Variants in IKZF2 observed in about 807,000 individuals in gnomAD.
IKZF2 encodes zinc finger protein Helios.
In IKZF2, 15 loss-of-function variants were observed where a neutral mutation model predicts 49.2. The ratio of observed to expected loss-of-function variants is 0.30; its 90% confidence interval spans 0.20 to 0.47. The LOEUF (loss-of-function observed/expected upper bound fraction) is 0.47, where lower values mean the gene tolerates loss of function less well. IKZF2 is among the 20% of genes least tolerant of loss of function. IKZF2 has a pLI of 1.00. For synonymous variants in IKZF2, 227 were observed against 221.4 expected (o/e 1.03, Z -0.23); for missense variants, 567 against 664.6 (o/e 0.85, Z 1.61).
intron 6 of IKZF2, among the ~76,000 whole-genome samples, chr2:213,037,379 A>G (rs1699132794): frequency 6.6e-6 from 1 of 152,222 alleles, no homozygotes; most frequent in Non-Finnish European, 1.5e-5. Context: ...GACTACTACA[A>G]TTCATAAAAG....
chr2:213,053,691 T>C (rs1700883978), intron 5 of IKZF2, among the ~76,000 whole-genome samples: 1 of 152,206 alleles, frequency 6.6e-6, no homozygotes, highest in African/African-American at 2.4e-5. Context: ...CCAATCGATA[T>C]GTGTTCATGC....
At chr2:213,128,435 A>G (rs1372391583) in intron 4 of IKZF2, among the ~76,000 whole-genome samples, 1 of 152,156 alleles carries the variant, frequency 6.6e-6, no homozygotes, top group Non-Finnish European at 1.5e-5. Context: ...AGGTTGAAAA[A>G]CAATGGAGTG....
At chr2:213,107,080 T>C (rs2059558779) in intron 4 of IKZF2, among the ~76,000 whole-genome samples, 2 of 152,152 alleles carry the variant, frequency 1.3e-5, no homozygotes, top group African/African-American at 4.8e-5. Context: ...ATGTACCTGT[T>C]TGTCAACAGG....
At chr2:213,054,670 G>C (rs896263770) in intron 5 of IKZF2, among the ~76,000 whole-genome samples, 3 of 152,072 alleles carry the variant, frequency 2.0e-5, no homozygotes, top group African/African-American at 7.2e-5. Flanking sequence ...GAAAAATCTA[G>C]ATCTGAAGAA....
rs1417733926 is a variant in IKZF2 at position 213,000,258 on chromosome 2, A to T, written c.*7102T>A. On this transcript the variant is annotated 3_prime_UTR_variant, in exon 9 of 9. Transcript: ENST00000434687. ...TTTAACTTTACATATATATTTATAT[A>T]TATATATATATATTTCTTTTTTAAA... 2.7e-5 allele frequency: 4 copies of T among 146,778 alleles called. No individual in the cohort carries two copies. The highest frequency in any genetic ancestry group is 9.8e-5 in the African/African-American group (4 of 40,684). The allele number at this position is 146,778 out of a possible 1,614,324, so 9.1% of individuals were successfully genotyped here.
At chr2:213,137,511 T>C (rs2060719102) in intron 4 of IKZF2, among the ~76,000 whole-genome samples, 1 of 152,100 alleles carries the variant, frequency 6.6e-6, no homozygotes, top group Admixed American at 6.5e-5. Context: ...TGAGCAAGCA[T>C]TTCTAATAGA....
chr2:213,059,324 T>G (rs1212952095), intron 4 of IKZF2, among the ~76,000 whole-genome samples: 1 of 151,706 alleles, frequency 6.6e-6, no homozygotes, highest in Admixed American at 6.6e-5. Flanking sequence ...CAAGGGCATT[T>G]TTTGGCATAT....
In IKZF2 at chr2:213,039,512, T is replaced by C. The variant is rs559082210; in HGVS notation, c.574+10201A>G. Among the ~76,000 whole-genome samples the C allele has an allele frequency of 1.9e-3, 292 of 152,160 alleles. 2 individuals carry two copies. The highest frequency in any genetic ancestry group is 6.0e-3 in the African/African-American group (248 of 41,552). On this transcript the variant is annotated intron_variant, in intron 6 of 8. Transcript: ENST00000434687. Reference sequence around the variant, plus strand: ...AACAACAAACTTCATAAGCTGAAAATTGTCAAACACTGAGTAGGTCACAAA... The same window carrying C: ...AACAACAAACTTCATAAGCTGAAAACTGTCAAACACTGAGTAGGTCACAAA...
chr2:213,029,134 G>A (rs1698136033), intron 6 of IKZF2, among the ~76,000 whole-genome samples: 1 of 151,864 alleles, frequency 6.6e-6, no homozygotes, highest in Non-Finnish European at 1.5e-5. Flanking sequence ...TTTTTTTCTT[G>A]TAATGTCTTT....
intron 4 of IKZF2, among the ~76,000 whole-genome samples, chr2:213,075,171 T>C (rs1472504423): frequency 6.6e-6 from 1 of 152,196 alleles, no homozygotes; most frequent in Non-Finnish European, 1.5e-5. Flanking sequence ...TTTCAACACA[T>C]GTCCCATTCC....
At chr2:213,124,252 GCACACACACACACA>G (rs66958263) in intron 4 of IKZF2, among the ~76,000 whole-genome samples, 2,171 of 136,176 alleles carry the variant, frequency 0.016, 48 homozygotes, top group Non-Finnish European at 0.021. Flanking sequence ...GCGCGCGCGC[GCACACACACACACA>G]CACACACACA....
At chr2:213,128,323 C>A (rs957766891) in intron 4 of IKZF2, among the ~76,000 whole-genome samples, 1 of 152,130 alleles carries the variant, frequency 6.6e-6, no homozygotes, top group Non-Finnish European at 1.5e-5. Flanking sequence ...ACATTTATTT[C>A]TTCAAAACTT....
At chr2:213,109,140 T>C (rs971611718) in intron 4 of IKZF2, among the ~76,000 whole-genome samples, 3 of 152,138 alleles carry the variant, frequency 2.0e-5, no homozygotes, top group African/African-American at 7.2e-5. Flanking sequence ...AATTAGTAAT[T>C]AATTCTCCGT....
intron 4 of IKZF2, among the ~76,000 whole-genome samples, chr2:213,114,170 ATT>A (rs1203065043): frequency 6.6e-6 from 1 of 152,138 alleles, no homozygotes; most frequent in Non-Finnish European, 1.5e-5. Context: ...CTGAAAAAAA[ATT>A]TTCTTCCTCA....
chr2:213,150,267 G>A lies in IKZF2; in HGVS notation c.-119-20C>T, dbSNP rs1479223638. 4.0e-6 allele frequency: 4 copies of A among 1,009,652 alleles called. No homozygotes were observed. Among genetic ancestry groups the A allele is most frequent in the Admixed American group, 2.4e-5 (1 of 41,866 alleles). The allele number at this position is 1,009,652 out of a possible 1,614,324, so 62.5% of individuals were successfully genotyped here. A position where few individuals can be genotyped will look rare whatever the true frequency, so the allele number is the denominator to read the frequency against. On this transcript the variant is annotated intron_variant, in intron 1 of 8. Transcript: ENST00000434687. ...GTCGGGCTGAAGATAAACGGAGGGA[G>A]AAAGAAAGAAGTTTTTTGTGTTTCC...
chr2:213,143,624 G>A (rs756199163), intron 4 of IKZF2, among the ~76,000 whole-genome samples: 2 of 151,724 alleles, frequency 1.3e-5, no homozygotes, highest in Non-Finnish European at 2.9e-5. Flanking sequence ...TAAGTATGGC[G>A]ACTTAAAACA....
At chr2:213,136,950 G>GA (rs1423125196) in intron 4 of IKZF2, among the ~76,000 whole-genome samples, 4 of 152,134 alleles carry the variant, frequency 2.6e-5, no homozygotes, top group Middle Eastern at 3.4e-3. Context: ...TTCTCTGGCT[G>GA]AAAAAATATC....
In IKZF2 at chr2:213,003,899, T is replaced by C. The variant is rs1695108555; in HGVS notation, c.*3461A>G. ...AAACTTTACATTAAATATCTTTGAA[T>C]GTATATCCAATCAGCTTAATCATTG... On this transcript the variant is annotated 3_prime_UTR_variant, in exon 9 of 9. Coordinates refer to ENST00000434687, the MANE Select transcript of IKZF2 (RefSeq NM_001387220.1). 1 of 151,858 alleles carries C rather than the reference T, an allele frequency of 6.6e-6. No individual in the cohort carries two copies. Among genetic ancestry groups the C allele is most frequent in the South Asian group, 2.1e-4 (1 of 4,828 alleles). The allele number at this position is 151,858 out of a possible 1,614,324, so 9.4% of individuals were successfully genotyped here. A position where few individuals can be genotyped will look rare whatever the true frequency, so the allele number is the denominator to read the frequency against.
intron 4 of IKZF2, among the ~76,000 whole-genome samples, chr2:213,105,663 T>G (rs989065749): frequency 1.3e-5 from 2 of 152,182 alleles, no homozygotes; most frequent in African/African-American, 4.8e-5. Flanking sequence ...TTTATAAAAT[T>G]GTGACCAAAA....
Sources: allele counts gnomAD v4.1 joint callset (sites outside exome capture counted in the v4.1 genomes callset), GRCh38; gene constraint gnomAD v4.1.1; transcripts MANE v1.5; gene names NCBI Gene and HGNC (gene_info 2026-07-23, HGNC 2026-07-21).